Variants in MMS22L observed in about 807,000 individuals in gnomAD.
MMS22L encodes the protein MMS22 like, DNA repair protein.
In MMS22L, 74 loss-of-function variants were observed where a neutral mutation model predicts 159.1. The ratio of observed to expected loss-of-function variants is 0.47; its 90% confidence interval spans 0.39 to 0.56. The LOEUF is 0.56. MMS22L is among the 20% of genes least tolerant of loss of function. The pLI is 0.00. For missense variants in MMS22L, 1,351 were observed against 1,422.1 expected, an observed-to-expected ratio of 0.95 and a Z score of 0.80; for synonymous variants, 517 against 506.9, an observed-to-expected ratio of 1.02 and a Z score of -0.27.
At chr6:97,173,365 G>C (rs1047532540) in intron 18 of MMS22L, 143 bp from the exon 19 acceptor site, 35 of 642,414 alleles carry the variant, frequency 5.4e-5, no homozygotes, top group Non-Finnish European at 8.8e-5. Context: ...TTCCAATAAA[G>C]AGACATAGGA....
At chr6:97,279,900 T>C (rs1251585955) in intron 3 of MMS22L, among the ~76,000 whole-genome samples, 5 of 152,170 alleles carry the variant, frequency 3.3e-5, no homozygotes, top group Non-Finnish European at 5.9e-5. Context: ...AAAGGAATAA[T>C]GTAGACTAAA....
chr6:97,231,463 T>A lies in MMS22L; in HGVS notation c.1492A>T (p.Ser498Cys), dbSNP rs759749402. The A allele has an allele frequency of 3.1e-6, 5 of 1,613,734 alleles. No homozygotes were observed. Reference sequence around the variant, plus strand: ...TGTTTCCAAGGATGAGGGCCATTGCTCTTCATTGCTTTTTTAACAACTTTT... The same window carrying A: ...TGTTTCCAAGGATGAGGGCCATTGCACTTCATTGCTTTTTTAACAACTTTT... ...LAKVVKKAMK[S>C]NGPHPWKQVK... The change falls in exon 13 of 25, where the codon AGC becomes TGC. Residue 498 changes from serine (S) to cysteine (C), a missense_variant. Ser to Cys is a moderately radical substitution (Grantham distance 112, BLOSUM62 -1). Transcript: ENST00000683635.
intron 22 of MMS22L, among the ~76,000 whole-genome samples, chr6:97,155,968 T>A (rs1801794427): frequency 6.6e-6 from 1 of 152,214 alleles, no homozygotes; most frequent in Non-Finnish European, 1.5e-5. Flanking sequence ...GTGTTCCTAT[T>A]TCTCCACATC....
intron 11 of MMS22L, among the ~76,000 whole-genome samples, chr6:97,243,107 T>A (rs1177308873): frequency 6.6e-6 from 1 of 152,150 alleles, no homozygotes; most frequent in Non-Finnish European, 1.5e-5. Context: ...CTTCTTGTAT[T>A]TGGATGTCTA....
chr6:97,282,161 G>A (rs554158735), intron 2 of MMS22L, among the ~76,000 whole-genome samples, 153 bp downstream of exon 2: 1 of 152,300 alleles, frequency 6.6e-6, no homozygotes, highest in East Asian at 1.9e-4. Flanking sequence ...GAAGCCAGCA[G>A]AACTGATAAT....
chr6:97,183,485 C>G (rs1339860965), intron 15 of MMS22L, among the ~76,000 whole-genome samples: 1 of 152,138 alleles, frequency 6.6e-6, no homozygotes, highest in Non-Finnish European at 1.5e-5. Context: ...CAAGTAGGCT[C>G]TTAGAATTGG....
chr6:97,167,062 C>T (rs1242334102), intron 20 of MMS22L, among the ~76,000 whole-genome samples: 1 of 152,002 alleles, frequency 6.6e-6, no homozygotes, highest in East Asian at 1.9e-4. Flanking sequence ...CTTGTTGGAC[C>T]TCAAATTAAG....
chr6:97,222,765 A>G (rs1809787675), intron 14 of MMS22L, among the ~76,000 whole-genome samples: 1 of 152,040 alleles, frequency 6.6e-6, no homozygotes, highest in Admixed American at 6.5e-5. Flanking sequence ...GCCCAGAGCT[A>G]ATTTTCATAG....
chr6:97,268,664 C>G (rs536918749), intron 7 of MMS22L, among the ~76,000 whole-genome samples: 9 of 151,894 alleles, frequency 5.9e-5, no homozygotes, highest in African/African-American at 2.2e-4. Context: ...TTAACAAATA[C>G]TGATAAACTG....
At chr6:97,231,299 T>C (rs1389332172) in intron 13 of MMS22L, 127 bp downstream of exon 13, 7 of 673,860 alleles carry the variant, frequency 1.0e-5, no homozygotes, top group Middle Eastern at 5.0e-4. Context: ...CAAATGCATA[T>C]AATGGATTAC....
At chr6:97,163,779 T>C (rs563114969) in intron 21 of MMS22L, among the ~76,000 whole-genome samples, 1 of 152,060 alleles carries the variant, frequency 6.6e-6, no homozygotes, top group South Asian at 2.1e-4. Context: ...TTATAAAGGA[T>C]ACGTGGGATT....
chr6:97,179,211 A>G (rs1196533902), intron 17 of MMS22L, among the ~76,000 whole-genome samples, 197 bp downstream of exon 17: 1 of 152,182 alleles, frequency 6.6e-6, no homozygotes, highest in East Asian at 1.9e-4. Context: ...TTTGTCATAT[A>G]TAGTAACAGG....
chr6:97,147,362 T>C (rs1440559998), intron 24 of MMS22L, among the ~76,000 whole-genome samples: 6 of 152,202 alleles, frequency 3.9e-5, no homozygotes, highest in Non-Finnish European at 8.8e-5. Context: ...AATAAAATAT[T>C]GTTTCTCCTC....
chr6:97,213,763 TAGTA>T (rs1808654202), intron 14 of MMS22L, among the ~76,000 whole-genome samples: 1 of 152,114 alleles, frequency 6.6e-6, no homozygotes, highest in Non-Finnish European at 1.5e-5. Flanking sequence ...TTGATATTAA[TAGTA>T]AGAAAAAAGG....
At chr6:97,213,575 G>A (rs1415878674) in intron 14 of MMS22L, among the ~76,000 whole-genome samples, 3 of 152,108 alleles carry the variant, frequency 2.0e-5, no homozygotes, top group Non-Finnish European at 2.9e-5. Flanking sequence ...CTTTGCAGAC[G>A]AAGGGTAGGG....
chr6:97,252,588 T>C (rs1238021225), intron 10 of MMS22L, among the ~76,000 whole-genome samples: 1 of 146,508 alleles, frequency 6.8e-6, no homozygotes, highest in Admixed American at 7.0e-5. Context: ...GAGTTTGCAG[T>C]AAGCCGAGAT....
chr6:97,172,159 T>A (rs1803614103), intron 19 of MMS22L, among the ~76,000 whole-genome samples: 1 of 152,188 alleles, frequency 6.6e-6, no homozygotes, highest in African/African-American at 2.4e-5. Flanking sequence ...CCAATATATT[T>A]ATTAATGTGT....
intron 14 of MMS22L, among the ~76,000 whole-genome samples, chr6:97,215,207 T>C (rs924918382): frequency 3.3e-5 from 5 of 151,714 alleles, no homozygotes; most frequent in South Asian, 2.1e-4. Flanking sequence ...CTTTATAATA[T>C]TTTACTAGTT....
intron 23 of MMS22L, among the ~76,000 whole-genome samples, chr6:97,150,613 A>T (rs1801228764): frequency 6.6e-6 from 1 of 152,176 alleles, no homozygotes; most frequent in Non-Finnish European, 1.5e-5. Context: ...GATAACATTC[A>T]ATCTTTGATC....
Sources: allele counts gnomAD v4.1 joint callset (sites outside exome capture counted in the v4.1 genomes callset), GRCh38; gene constraint gnomAD v4.1.1; transcripts MANE v1.5; gene names NCBI Gene and HGNC (gene_info 2026-07-23, HGNC 2026-07-21).